The following CNTN5 variants were observed in gnomAD, a reference collection of about 807,000 sequenced individuals.
CNTN5 encodes contactin-5.
In CNTN5, 77 loss-of-function variants were observed where a neutral mutation model predicts 129.1. That is an observed-to-expected ratio of 0.60 (90% CI 0.50 to 0.72). The LOEUF (loss-of-function observed/expected upper bound fraction) is 0.72, where lower values mean the gene tolerates loss of function less well. CNTN5 is among the 30% of genes least tolerant of loss of function. The probability of loss-of-function intolerance (pLI) is 0.00; values close to 1 mark genes in which losing one functional copy is unlikely to be tolerated. For missense variants in CNTN5, 1,478 were observed against 1,328.8 expected (o/e 1.11, Z -1.75); for synonymous variants, 509 against 465.6 (o/e 1.09, Z -1.20).
chr11:100,250,986 G>T (rs984675386), intron 16 of CNTN5, among the ~76,000 whole-genome samples: 15 of 152,108 alleles, frequency 9.9e-5, no homozygotes, highest in Non-Finnish European at 1.6e-4. Flanking sequence ...CAGAATAAAT[G>T]TAACAACATA....
intron 17 of CNTN5, among the ~76,000 whole-genome samples, chr11:100,263,901 AT>A (rs1435602874): frequency 6.6e-6 from 1 of 152,040 alleles, no homozygotes; most frequent in Non-Finnish European, 1.5e-5. Flanking sequence ...TTCCTTGTGG[AT>A]ACATTGCAAT....
intron 16 of CNTN5, among the ~76,000 whole-genome samples, chr11:100,229,781 T>C (rs1451428324): frequency 6.6e-6 from 1 of 152,240 alleles, no homozygotes; most frequent in Non-Finnish European, 1.5e-5. Flanking sequence ...TTTTAGCATA[T>C]GGCCACTTCT....
At chr11:99,130,614 A>C (rs906786468) in intron 1 of CNTN5, among the ~76,000 whole-genome samples, 3 of 152,176 alleles carry the variant, frequency 2.0e-5, no homozygotes, top group African/African-American at 7.2e-5. Context: ...AGTGGACCTA[A>C]TAGATATCTA....
chr11:100,047,785 A>C (rs746381999), intron 9 of CNTN5, among the ~76,000 whole-genome samples: 2 of 152,146 alleles, frequency 1.3e-5, no homozygotes, highest in Non-Finnish European at 2.9e-5. Flanking sequence ...ATTTACCCTC[A>C]TCAGTGTGAG....
At chr11:100,128,550 C>T (rs980518623) in intron 13 of CNTN5, among the ~76,000 whole-genome samples, 1 of 151,996 alleles carries the variant, frequency 6.6e-6, no homozygotes, top group African/African-American at 2.4e-5. Context: ...TCCTATGAAC[C>T]TAATGTAATC....
chr11:99,807,997 C>G (rs947223530), intron 3 of CNTN5, among the ~76,000 whole-genome samples: 1 of 152,042 alleles, frequency 6.6e-6, no homozygotes, highest in Non-Finnish European at 1.5e-5. Context: ...GGCGTAGGGA[C>G]CTTCTGTGAC....
chr11:100,137,377 C>A (rs1946561612), intron 13 of CNTN5, among the ~76,000 whole-genome samples: 1 of 151,970 alleles, frequency 6.6e-6, no homozygotes, highest in Admixed American at 6.6e-5. Context: ...ACTATTAATT[C>A]AATTTAAAAT....
chr11:99,064,634 T>C (rs1203181605), intron 1 of CNTN5, among the ~76,000 whole-genome samples: 1 of 152,150 alleles, frequency 6.6e-6, no homozygotes. Context: ...ATAGTCTTTC[T>C]AGCATTGAAC....
chr11:99,212,890 T>C lies in CNTN5; in HGVS notation c.-209-112456T>C, dbSNP rs567373882. On this transcript the variant is annotated intron_variant, in intron 1 of 24. Coordinates refer to ENST00000524871, the MANE Select transcript of CNTN5 (RefSeq NM_014361.4). ...GATTTATCAGTAATTACATATAGGC[T>C]ACATAAAAATATATTTCCTGTCTGG... Among the ~76,000 whole-genome samples, 25 of 152,216 alleles carry C rather than the reference T, an allele frequency of 1.6e-4. No individual in the cohort carries two copies. In the South Asian group the frequency reaches 5.2e-3, roughly 32 times the overall value.
chr11:99,152,117 G>T (rs1860089254), intron 1 of CNTN5, among the ~76,000 whole-genome samples: 1 of 152,230 alleles, frequency 6.6e-6, no homozygotes, highest in Non-Finnish European at 1.5e-5. Flanking sequence ...ACTACCTCTT[G>T]TAATTAAATG....
intron 6 of CNTN5, among the ~76,000 whole-genome samples, chr11:99,900,538 C>A (rs1949328380): frequency 6.7e-6 from 1 of 149,176 alleles, no homozygotes. Context: ...TTTCTACTTT[C>A]ATTCATTAAT....
intron 6 of CNTN5, among the ~76,000 whole-genome samples, chr11:99,897,619 C>T (rs1338414442): frequency 6.6e-6 from 1 of 152,122 alleles, no homozygotes; most frequent in East Asian, 1.9e-4. Context: ...CACCACTAGA[C>T]CAGTCCTACA....
intron 1 of CNTN5, among the ~76,000 whole-genome samples, chr11:99,286,040 GAAAAAAAA>G (rs1555101324): frequency 2.6e-3 from 242 of 93,022 alleles, no homozygotes; most frequent in African/African-American, 8.6e-3. Flanking sequence ...TCCATCTGGA[GAAAAAAAA>G]AAAAAAAAAA....
At chr11:100,203,115 A>C (rs1459562148) in intron 15 of CNTN5, among the ~76,000 whole-genome samples, 3 of 152,076 alleles carry the variant, frequency 2.0e-5, no homozygotes, top group Non-Finnish European at 4.4e-5. Context: ...ATGTTCAGTA[A>C]GATAAAATCA....
chr11:100,016,960 C>T (rs748158976), intron 9 of CNTN5, among the ~76,000 whole-genome samples: 8 of 151,742 alleles, frequency 5.3e-5, no homozygotes, highest in Non-Finnish European at 8.8e-5. Context: ...ACATAATTCT[C>T]ATTAATAGCC....
chr11:100,236,035 G>C (rs1038208958), intron 16 of CNTN5, among the ~76,000 whole-genome samples: 14 of 152,190 alleles, frequency 9.2e-5, no homozygotes, highest in African/African-American at 3.4e-4. Context: ...AGAAGCTGGA[G>C]CTGCTTGCTT....
intron 6 of CNTN5, among the ~76,000 whole-genome samples, chr11:99,883,182 G>A (rs1485331810): frequency 6.6e-6 from 1 of 152,122 alleles, no homozygotes; most frequent in Non-Finnish European, 1.5e-5. Flanking sequence ...AACAAACATC[G>A]GAGTGCAGAT....
chr11:99,461,715 T>C (rs1944705787), intron 2 of CNTN5, among the ~76,000 whole-genome samples: 1 of 152,158 alleles, frequency 6.6e-6, no homozygotes, highest in African/African-American at 2.4e-5. Context: ...GCATTTTTTT[T>C]TCTGATTCCA....
In CNTN5 at chr11:99,876,279, C is replaced by A. The variant is rs150118568; in HGVS notation, c.577+31017C>A. On this transcript the variant is annotated intron_variant, in intron 6 of 24. Coordinates refer to ENST00000524871, the MANE Select transcript of CNTN5 (RefSeq NM_014361.4). Reference sequence around the variant, plus strand: ...CAAATGTTAGGCCCTTTTTCCTAATCTGTTACTGCTAACCTCTGTTTCTGG... The same window carrying A: ...CAAATGTTAGGCCCTTTTTCCTAATATGTTACTGCTAACCTCTGTTTCTGG... 5.3e-3 allele frequency among the ~76,000 whole-genome samples: 805 copies of A among 152,252 alleles called. 7 individuals are homozygous for A. Among genetic ancestry groups the A allele is most frequent in the African/African-American group, 0.018 (742 of 41,562 alleles).
Sources: allele counts gnomAD v4.1 joint callset (sites outside exome capture counted in the v4.1 genomes callset), GRCh38; gene constraint gnomAD v4.1.1; transcripts MANE v1.5; gene names NCBI Gene and HGNC (gene_info 2026-07-23, HGNC 2026-07-21).